Variants in CPLANE1 observed in about 807,000 individuals in gnomAD.
CPLANE1 encodes ciliogenesis and planar polarity effector 1.
Under a neutral mutation model 362.5 loss-of-function variants are expected in CPLANE1, and 263 were observed. That is an observed-to-expected ratio of 0.73 (90% CI 0.66 to 0.80). The LOEUF is 0.80. Ranked by LOEUF, CPLANE1 falls within the 30% of genes least tolerant of loss-of-function variation. The pLI is 0.00. For missense variants in CPLANE1, 3,461 were observed against 3,793.4 expected (o/e 0.91, Z 2.30); for synonymous variants, 1,212 against 1,302.6 (o/e 0.93, Z 1.50).
chr5:37,101,510 A>G (rs1757288915), downstream of CPLANE1, among the ~76,000 whole-genome samples: 1 of 152,214 alleles, frequency 6.6e-6, no homozygotes, highest in Non-Finnish European at 1.5e-5. Context: ...GCCAGTATTA[A>G]TGTTATTGAG....
chr5:37,135,487 TG>T (rs2150313059), intron 46 of CPLANE1, among the ~76,000 whole-genome samples: 1 of 152,208 alleles, frequency 6.6e-6, no homozygotes, highest in African/African-American at 2.4e-5. Flanking sequence ...CTTCTCCACA[TG>T]GTGGCAGGAA....
intron 51 of CPLANE1, among the ~76,000 whole-genome samples, chr5:37,110,430 C>G (rs1022339636): frequency 1.4e-4 from 21 of 152,204 alleles, no homozygotes; most frequent in Non-Finnish European, 2.8e-4. Flanking sequence ...TCAAGATCTT[C>G]ACTCCAACAT....
intron 19 of CPLANE1, among the ~76,000 whole-genome samples, chr5:37,201,154 T>C (rs537873698): frequency 1.3e-5 from 2 of 152,232 alleles, no homozygotes; most frequent in South Asian, 4.1e-4. Flanking sequence ...GACAAAGAGA[T>C]AAATAAGAGA....
intron 15 of CPLANE1, among the ~76,000 whole-genome samples, chr5:37,219,802 G>A (rs1402648947): frequency 4.0e-5 from 6 of 151,570 alleles, no homozygotes; most frequent in Non-Finnish European, 7.4e-5. Context: ...ATCCAGCTCC[G>A]GTAATATATA....
At chr5:37,223,422 T>C (rs2150384295) in intron 14 of CPLANE1, among the ~76,000 whole-genome samples, 1 of 152,336 alleles carries the variant, frequency 6.6e-6, no homozygotes, top group Middle Eastern at 3.4e-3. Flanking sequence ...ATTTCAGTTA[T>C]CCCTAGTGCC....
downstream of CPLANE1, among the ~76,000 whole-genome samples, chr5:37,102,316 T>C (rs1757331707): frequency 6.6e-6 from 1 of 152,124 alleles, no homozygotes; most frequent in Non-Finnish European, 1.5e-5. Context: ...GACTCTCAAG[T>C]AGCTAGGATT....
chr5:37,168,734 G>C, intron 34 of CPLANE1, 57 bp downstream of exon 34: 1 of 1,410,258 alleles, frequency 7.1e-7, no homozygotes, highest in South Asian at 1.3e-5. Flanking sequence ...AGTACTTATG[G>C]TATGAAAAAA....
At chr5:37,145,648 T>C (rs1341963457) in intron 43 of CPLANE1, among the ~76,000 whole-genome samples, 1 of 151,724 alleles carries the variant, frequency 6.6e-6, no homozygotes, top group African/African-American at 2.4e-5. Flanking sequence ...GAATAACCAC[T>C]AAAAACTAAA....
intron 46 of CPLANE1, among the ~76,000 whole-genome samples, chr5:37,127,555 G>C (rs1271712702): frequency 1.9e-5 from 2 of 107,346 alleles, no homozygotes; most frequent in Non-Finnish European, 1.8e-5. Flanking sequence ...TTTCGCTCTT[G>C]TTGCTCAGGC....
chr5:37,183,130 G>A lies in CPLANE1; in HGVS notation c.5051C>T (p.Ser1684Leu), dbSNP rs2151150270. 6.2e-7 allele frequency: 1 copy of A among 1,612,848 alleles called. No homozygotes were observed. Among genetic ancestry groups the A allele is most frequent in the Non-Finnish European group, 8.5e-7 (1 of 1,179,588 alleles). The change falls in exon 26 of 53, where the codon TCA becomes TTA. Residue 1684 changes from serine to leucine, a missense_variant. Physicochemically the swap from Ser to Leu is moderately radical, Grantham distance 145. This residue lies in a region of CPLANE1 where 3,380 missense variants were observed against 3,666.1 expected (regional missense o/e 0.92). Coordinates refer to ENST00000651892, the MANE Select transcript of CPLANE1 (RefSeq NM_001384732.1). ...MSGLFGLKQR[S>L]IYKIQDDTRE... The stretch of plus-strand genomic sequence containing the variant: ...AGTGTCATCTTGTATTTTGTAAATT[G>A]ACCTTTGTTTTAAACCAAATAATCC...
At chr5:37,108,224 A>G in intron 52 of CPLANE1, 69 bp downstream of exon 52, 6 of 1,440,194 alleles carry the variant, frequency 4.2e-6, no homozygotes, top group Non-Finnish European at 5.7e-6. Context: ...AAACAAACAA[A>G]CAAACAAACA....
intron 19 of CPLANE1, among the ~76,000 whole-genome samples, chr5:37,200,967 G>T (rs1259557869): frequency 6.6e-6 from 1 of 152,118 alleles, no homozygotes; most frequent in Non-Finnish European, 1.5e-5. Context: ...GAGACTACAG[G>T]CACATGCCAC....
rs1213044055 is a variant in CPLANE1, at chr5:37,183,139, T to C, written c.5042A>G (p.Lys1681Arg). 1.9e-6 allele frequency: 3 copies of C among 1,613,168 alleles called. 1 individual carries two copies. In the Admixed American group the frequency reaches 5.0e-5, roughly 27 times the overall value. ...TTGTATTTTGTAAATTGACCTTTGT[T>C]TTAAACCAAATAATCCACTCATTCC... The part of the protein sequence containing the change: ...NEGMSGLFGL[K>R]QRSIYKIQDD... The change falls in exon 26 of 53, where the codon AAA becomes AGA. Residue 1681 changes from lysine to arginine, a missense_variant. Transcript: ENST00000651892.
At chr5:37,139,860 T>G (rs1210061462) in intron 44 of CPLANE1, 3 of 985,690 alleles carry the variant, frequency 3.0e-6, no homozygotes, top group Non-Finnish European at 3.6e-6. Context: ...AGTATAAGAT[T>G]ATTACTTTTT....
intron 20 of CPLANE1, among the ~76,000 whole-genome samples, chr5:37,197,677 G>C (rs2151392722): frequency 6.6e-6 from 1 of 152,296 alleles, no homozygotes; most frequent in Admixed American, 6.5e-5. Context: ...GGTAGTAATA[G>C]AAAACTAATA....
intron 16 of CPLANE1, chr5:37,212,103 G>C (rs1194667835): frequency 2.2e-6 from 2 of 930,026 alleles, no homozygotes; most frequent in Non-Finnish European, 3.6e-6. Context: ...AAGAGAACTA[G>C]AAAAACTGTA....
intron 44 of CPLANE1, chr5:37,140,906 T>C (rs1286992060): frequency 3.1e-6 from 3 of 981,828 alleles, no homozygotes; most frequent in South Asian, 9.4e-5. Flanking sequence ...GTGTATTTTA[T>C]GTGTGGCCCA....
chr5:37,139,879 A>C lies in CPLANE1; in HGVS notation c.8633-509T>G, dbSNP rs1485303156. The C allele has an allele frequency of 7.1e-6, 7 of 985,546 alleles. No homozygotes were observed. The African/African-American group carries it at 1.2e-4, about 17-fold the overall frequency. 61.1% of individuals were successfully genotyped at this position (985,546 alleles called of 1,614,324 possible). A position where few individuals can be genotyped will look rare whatever the true frequency, so the allele number is the denominator to read the frequency against. On this transcript the variant is annotated intron_variant, in intron 44 of 52. Transcript: ENST00000651892. ...TAAGATTATTACTTTTTCTATCCTG[A>C]GTACTCAGTGTAATATGTCAGAAGG...
In CPLANE1 at chr5:37,148,164, T is replaced by A. The variant is rs371972430; in HGVS notation, c.8461+17A>T. 6.3e-7 allele frequency: 1 copy of A among 1,596,956 alleles called. No individual in the cohort carries two copies. Among genetic ancestry groups the A allele is most frequent in the Non-Finnish European group, 8.6e-7 (1 of 1,165,950 alleles). ...CTAAAGCAAGACTTCAGCCAGCCCC[T>A]ATCAGCCCCTACAAACCTTCTTCAG... On this transcript the variant is annotated intron_variant, in intron 43 of 52. Coordinates refer to ENST00000651892, the MANE Select transcript of CPLANE1 (RefSeq NM_001384732.1).
Sources: allele counts gnomAD v4.1 joint callset (sites outside exome capture counted in the v4.1 genomes callset), GRCh38; gene constraint gnomAD v4.1.1; regional missense constraint gnomAD v4.1.1; transcripts MANE v1.5; gene names NCBI Gene and HGNC (gene_info 2026-07-23, HGNC 2026-07-21).